PARD3B: variants seen among roughly 807,000 people sequenced by gnomAD.
PARD3B encodes the protein partitioning defective 3 homolog B.
Under a neutral mutation model 130.2 loss-of-function variants are expected in PARD3B, and 103 were observed. The ratio of observed to expected loss-of-function variants is 0.79; its 90% CI spans 0.67 to 0.93. The LOEUF (loss-of-function observed/expected upper bound fraction) is 0.93. PARD3B is among the 40% of genes least tolerant of loss of function. PARD3B has a pLI of 0.00. For missense variants in PARD3B, 1,609 were observed against 1,499.2 expected (o/e 1.07, Z -1.21); for synonymous variants, 583 against 553.2 (o/e 1.05, Z -0.76).
chr2:205,064,982 A>C (rs1700277922), intron 4 of PARD3B, among the ~76,000 whole-genome samples: 1 of 152,180 alleles, frequency 6.6e-6, no homozygotes, highest in South Asian at 2.1e-4. Context: ...CAGTCTGTTG[A>C]ATAAAAATCT....
chr2:205,024,108 T>C (rs1432300111), intron 3 of PARD3B, among the ~76,000 whole-genome samples: 1 of 151,810 alleles, frequency 6.6e-6, no homozygotes, highest in Non-Finnish European at 1.5e-5. Context: ...CAGGGTGAGC[T>C]CTTGATATGC....
At position 205,186,386 on chromosome 2, in the gene PARD3B, A is replaced by C. The variant is rs146110460; in HGVS notation, c.2024+523A>C. ...ACTAAAAAAATCAATAATTTTTAGA[A>C]TCACACAAGAATGAGAGAGATTTAC... On this transcript the variant is annotated intron_variant, in intron 14 of 22. Coordinates refer to ENST00000406610, the MANE Select transcript of PARD3B (RefSeq NM_001302769.2). 1.1e-4 allele frequency among the ~76,000 whole-genome samples: 16 copies of C among 152,344 alleles called. No individual in the cohort carries two copies. The East Asian group carries it at 2.7e-3, about 26-fold the overall frequency.
intron 19 of PARD3B, among the ~76,000 whole-genome samples, chr2:205,437,059 T>C (rs1392599360): frequency 6.6e-6 from 1 of 152,160 alleles, no homozygotes; most frequent in East Asian, 1.9e-4. Flanking sequence ...GTTTATTGAC[T>C]GTACCCCTCT....
At chr2:205,162,013 A>G (rs961510051) in intron 11 of PARD3B, among the ~76,000 whole-genome samples, 2 of 152,102 alleles carry the variant, frequency 1.3e-5, no homozygotes, top group Middle Eastern at 3.2e-3. Flanking sequence ...AATTGAGGGC[A>G]TTGCTTTGTT....
chr2:205,531,459 C>A (rs577876698), intron 21 of PARD3B, among the ~76,000 whole-genome samples: 5 of 152,248 alleles, frequency 3.3e-5, no homozygotes, highest in African/African-American at 1.2e-4. Context: ...CTGTATTTTT[C>A]ATATCTCCTG....
At chr2:204,631,203 A>G (rs1195417207) in intron 1 of PARD3B, among the ~76,000 whole-genome samples, 1 of 150,950 alleles carries the variant, frequency 6.6e-6, no homozygotes, top group Non-Finnish European at 1.5e-5. Context: ...TAATTTCATT[A>G]TATACCCCAA....
At chr2:205,284,195 A>G (rs1182620855) in intron 16 of PARD3B, among the ~76,000 whole-genome samples, 2 of 152,228 alleles carry the variant, frequency 1.3e-5, no homozygotes, top group East Asian at 1.9e-4. Context: ...AAATCGTTCC[A>G]TCTTGCACCT....
intron 15 of PARD3B, among the ~76,000 whole-genome samples, chr2:205,206,472 T>A (rs1237817080): frequency 6.6e-6 from 1 of 150,470 alleles, no homozygotes; most frequent in Non-Finnish European, 1.5e-5. Flanking sequence ...TGGTGTTTGG[T>A]TTTCTGTTCT....
intron 16 of PARD3B, among the ~76,000 whole-genome samples, chr2:205,289,177 T>A (rs1038517884): frequency 6.6e-6 from 1 of 152,146 alleles, no homozygotes; most frequent in African/African-American, 2.4e-5. Context: ...GTAAAGGAGA[T>A]AGAAGATGAT....
intron 2 of PARD3B, among the ~76,000 whole-genome samples, chr2:204,847,748 A>T (rs2044522516): frequency 1.3e-5 from 2 of 152,116 alleles, no homozygotes. Context: ...CCTGAAGCAT[A>T]AGTGTAGTGT....
At chr2:204,780,389 G>T (rs537704301) in intron 2 of PARD3B, among the ~76,000 whole-genome samples, 6 of 152,186 alleles carry the variant, frequency 3.9e-5, no homozygotes, top group African/African-American at 1.2e-4. Context: ...ATAGTTATGG[G>T]CAAATAATCG....
At chr2:205,364,305 TCTC>T (rs1027094667) in intron 18 of PARD3B, among the ~76,000 whole-genome samples, 1 of 152,168 alleles carries the variant, frequency 6.6e-6, no homozygotes, top group Admixed American at 6.5e-5. Context: ...ATTTTCGGAT[TCTC>T]CTCCTCTTTT....
At chr2:204,600,383 T>C (rs2125104597) in intron 1 of PARD3B, among the ~76,000 whole-genome samples, 1 of 152,004 alleles carries the variant, frequency 6.6e-6, no homozygotes, top group East Asian at 1.9e-4. Flanking sequence ...TTTTTCCTTA[T>C]TGATACCTAG....
chr2:204,832,767 C>T (rs2043876569), intron 2 of PARD3B, among the ~76,000 whole-genome samples: 1 of 152,152 alleles, frequency 6.6e-6, no homozygotes, highest in Non-Finnish European at 1.5e-5. Context: ...GTGGGTTTTT[C>T]TCTCCCTCAG....
chr2:205,119,548 G>A (rs988932542), intron 7 of PARD3B, among the ~76,000 whole-genome samples: 3 of 152,078 alleles, frequency 2.0e-5, no homozygotes, highest in Admixed American at 6.5e-5. Context: ...TTGGGGGGCC[G>A]AGGAGGGCAG....
At chr2:204,826,168 T>C (rs1164860049) in intron 2 of PARD3B, among the ~76,000 whole-genome samples, 1 of 152,196 alleles carries the variant, frequency 6.6e-6, no homozygotes, top group Non-Finnish European at 1.5e-5. Context: ...AAGTATTATA[T>C]AGTTTGGGGG....
At chr2:205,127,403 T>G (rs540321886) in intron 10 of PARD3B, among the ~76,000 whole-genome samples, 1 of 152,300 alleles carries the variant, frequency 6.6e-6, no homozygotes, top group Admixed American at 6.5e-5. Context: ...TACTCCTTGT[T>G]ATTTCCTTTG....
chr2:205,324,735 GTCC>G (rs1293898565), intron 18 of PARD3B, among the ~76,000 whole-genome samples: 1 of 151,790 alleles, frequency 6.6e-6, no homozygotes, highest in Non-Finnish European at 1.5e-5. Flanking sequence ...TCTATACCCA[GTCC>G]TCCTCTCTTC....
intron 2 of PARD3B, among the ~76,000 whole-genome samples, chr2:204,778,012 C>T (rs893663177): frequency 7.2e-5 from 11 of 152,032 alleles, no homozygotes; most frequent in East Asian, 1.9e-4. Flanking sequence ...CCCCTTCAGC[C>T]ATGATTGTAA....
Sources: allele counts gnomAD v4.1 joint callset (sites outside exome capture counted in the v4.1 genomes callset), GRCh38; gene constraint gnomAD v4.1.1; transcripts MANE v1.5; gene names NCBI Gene and HGNC (gene_info 2026-07-23, HGNC 2026-07-21).